Variants in KMT2C observed in about 807,000 individuals in gnomAD.
KMT2C encodes histone-lysine N-methyltransferase 2C.
KMT2C carries 88 observed loss-of-function variants against 507.9 expected under a neutral mutation model. The observed-to-expected ratio is 0.17, with a 90% CI of 0.15 to 0.21. The LOEUF (loss-of-function observed/expected upper bound fraction) is 0.21, where lower values mean the gene tolerates loss of function less well. KMT2C is among the 10% of genes least tolerant of loss of function. The probability of loss-of-function intolerance (pLI) is 1.00; values close to 1 mark genes in which losing one functional copy is unlikely to be tolerated. For synonymous variants in KMT2C, 2,049 were observed against 2,080.8 expected, an observed-to-expected ratio of 0.98 and a Z score of 0.42; for missense variants, 4,954 against 5,957.8, an observed-to-expected ratio of 0.83 and a Z score of 5.55.
intron 6 of KMT2C, among the ~76,000 whole-genome samples, chr7:152,286,799 T>C (rs940577056): frequency 8.5e-5 from 13 of 152,142 alleles, no homozygotes; most frequent in East Asian, 5.8e-4. Flanking sequence ...GACTCATATA[T>C]ACAAGAAAAG....
At chr7:152,255,560 T>C (rs1231208361) in intron 9 of KMT2C, among the ~76,000 whole-genome samples, 1 of 151,864 alleles carries the variant, frequency 6.6e-6, no homozygotes, top group Non-Finnish European at 1.5e-5. Context: ...GAAAAACAAA[T>C]ACACAAGCAC....
At chr7:152,329,403 A>G (rs566219385) in intron 3 of KMT2C, among the ~76,000 whole-genome samples, 2 of 150,274 alleles carry the variant, frequency 1.3e-5, no homozygotes, top group East Asian at 3.9e-4. Context: ...AGTCTCTACC[A>G]AAAAAAAAGC....
intron 3 of KMT2C, 59 bp from the exon 4 acceptor site, chr7:152,315,397 A>T: frequency 8.4e-7 from 1 of 1,196,740 alleles, no homozygotes; most frequent in Non-Finnish European, 1.2e-6. Flanking sequence ...CAACTGCTTT[A>T]AGCGATAACT....
At chr7:152,307,247 AAGGACGGT>A (rs1321171426) in intron 6 of KMT2C, among the ~76,000 whole-genome samples, 3 of 122,864 alleles carry the variant, frequency 2.4e-5, no homozygotes, top group African/African-American at 3.9e-5. Context: ...GGAAGGAAGG[AAGGACGGT>A]AGGAAGGAAG....
chr7:152,424,077 T>A (rs1456909117), intron 1 of KMT2C, among the ~76,000 whole-genome samples: 1 of 152,174 alleles, frequency 6.6e-6, no homozygotes, highest in Non-Finnish European at 1.5e-5. Flanking sequence ...TAAAAGAGGA[T>A]GGAAAATAAT....
At chr7:152,362,483 A>G (rs1343954828) in intron 1 of KMT2C, among the ~76,000 whole-genome samples, 1 of 152,198 alleles carries the variant, frequency 6.6e-6, no homozygotes, top group Non-Finnish European at 1.5e-5. Flanking sequence ...CAATCCCAAC[A>G]TGGCTGCTTC....
At chr7:152,430,486 G>A (rs566128948) in intron 1 of KMT2C, among the ~76,000 whole-genome samples, 6 of 152,262 alleles carry the variant, frequency 3.9e-5, no homozygotes, top group African/African-American at 1.2e-4. Context: ...ACAACCTAAC[G>A]AGGGTATCTA....
intron 1 of KMT2C, chr7:152,367,181 A>G: frequency 1.3e-6 from 2 of 1,485,140 alleles, no homozygotes; most frequent in East Asian, 2.4e-5. Flanking sequence ...ATGGTCTCCC[A>G]CTCAGAGCTG....
intron 14 of KMT2C, among the ~76,000 whole-genome samples, chr7:152,243,196 A>G (rs1365042968): frequency 1.3e-5 from 2 of 152,210 alleles, no homozygotes; most frequent in Non-Finnish European, 2.9e-5. Flanking sequence ...TATCAGCTTT[A>G]GCCTTCAATA....
chr7:152,269,286 C>T (rs2095914790), intron 7 of KMT2C, among the ~76,000 whole-genome samples: 1 of 152,172 alleles, frequency 6.6e-6, no homozygotes, highest in Non-Finnish European at 1.5e-5. Context: ...CCATGTAATA[C>T]ATACATCTGG....
chr7:152,162,083 G>GA (rs1291027589), intron 43 of KMT2C, 34 bp downstream of exon 43: 32 of 1,497,464 alleles, frequency 2.1e-5, no homozygotes, highest in Non-Finnish European at 2.8e-5. Context: ...TAAAACAAAA[G>GA]AAAAAAGTTG....
chr7:152,295,610 T>C (rs536459991), intron 6 of KMT2C, among the ~76,000 whole-genome samples: 1 of 152,328 alleles, frequency 6.6e-6, no homozygotes, highest in East Asian at 1.9e-4. Context: ...TTATTGCCTA[T>C]AAAATATCCA....
Position 152,201,293 on chromosome 7 carries a change from GACACACACACACAC to G in KMT2C, c.4092+1627_4092+1640del, listed in dbSNP as rs3839689. Among the ~76,000 whole-genome samples the G allele has an allele frequency of 7.5e-4, 103 of 137,048 alleles. 1 individual carries two copies. Among genetic ancestry groups the G allele is most frequent in the African/African-American group, 2.4e-3 (91 of 37,894 alleles). The allele number at this position is 137,048 out of a possible 152,430, so 89.9% of individuals were successfully genotyped here. ...CCCTCATGTCACACATACAGACACA[GACACACACACACAC>G]ACACACACACACACACACACACACG... is the stretch of plus-strand genomic sequence containing the variant. On this transcript the variant is annotated intron_variant, in intron 26 of 58. Coordinates refer to ENST00000262189, the MANE Select transcript of KMT2C (RefSeq NM_170606.3).
At chr7:152,178,052 TATTATGTTAA>T (rs1264596573) in intron 37 of KMT2C, 42 bp from the exon 38 acceptor site, 1 of 1,314,540 alleles carries the variant, frequency 7.6e-7, no homozygotes, top group African/African-American at 1.8e-5. Context: ...AGCAAATAGG[TATTATGTTAA>T]ATTTAGAGTT....
chr7:152,292,238 C>T (rs1295315487), intron 6 of KMT2C, among the ~76,000 whole-genome samples: 1 of 151,912 alleles, frequency 6.6e-6, no homozygotes, highest in Non-Finnish European at 1.5e-5. Flanking sequence ...ATATAAAGTC[C>T]ACTTTTCTCC....
At position 152,151,467 on chromosome 7, in the gene KMT2C, A is replaced by C; in HGVS notation, c.12641T>G (p.Phe4214Cys). ...VILGSGVRKS[F>C]KDLTLLNKDS... is the part of the protein sequence containing the mutation. ...CTTGTTCAAAAGGGTCAGATCTTTG[A>C]AAGATTTCCGCACACCACTTCCAAG... Residue 4214 changes from phenylalanine to cysteine, a missense_variant, in exon 50 of 59, where the codon TTC becomes TGC. Around this residue, in one of 29 missense-constraint regions of KMT2C, gnomAD observed 417 missense variants for 461.1 expected, o/e 0.90. Coordinates refer to ENST00000262189, the MANE Select transcript of KMT2C (RefSeq NM_170606.3). 1 of 1,614,038 alleles carries C rather than the reference A, an allele frequency of 6.2e-7. No individual in the cohort carries two copies. The highest frequency in any genetic ancestry group is 2.2e-5 in the East Asian group (1 of 44,894).
At chr7:152,213,964 G>C (rs1389559365) in intron 23 of KMT2C, among the ~76,000 whole-genome samples, 1 of 152,028 alleles carries the variant, frequency 6.6e-6, no homozygotes, top group East Asian at 1.9e-4. Context: ...AATGGTATAT[G>C]AAAAGATGCT....
chr7:152,280,423 C>T (rs1185603122), intron 6 of KMT2C, among the ~76,000 whole-genome samples: 18 of 152,210 alleles, frequency 1.2e-4, no homozygotes, highest in Non-Finnish European at 1.8e-4. Flanking sequence ...TGGTGGCGCA[C>T]GCCTGTAATC....
At position 152,187,856 on chromosome 7, in the gene KMT2C, A is replaced by T; in HGVS notation, c.4661-9T>A. The T allele has an allele frequency of 6.2e-7, 1 of 1,612,292 alleles. No homozygotes were observed. Among genetic ancestry groups the T allele is most frequent in the Non-Finnish European group, 8.5e-7 (1 of 1,179,162 alleles). On this transcript the variant is annotated splice_polypyrimidine_tract_variant and intron_variant, in intron 31 of 58. Transcript: ENST00000262189. ...CATCCGTGAAAAAGCATCTTCAGAGAAAAAAATAATTCCGTTGGCATGATA... is the reference window on the plus strand; with the variant it reads ...CATCCGTGAAAAAGCATCTTCAGAGTAAAAAATAATTCCGTTGGCATGATA...
Sources: allele counts gnomAD v4.1 joint callset (sites outside exome capture counted in the v4.1 genomes callset), GRCh38; gene constraint gnomAD v4.1.1; regional missense constraint gnomAD v4.1.1; transcripts MANE v1.5; gene names NCBI Gene and HGNC (gene_info 2026-07-23, HGNC 2026-07-21).